ASTN2: variants seen among roughly 807,000 people sequenced by gnomAD.
ASTN2 encodes the protein astrotactin-2.
In ASTN2, 54 loss-of-function variants were observed where a neutral mutation model predicts 139.8. That is an observed-to-expected ratio of 0.39 (90% CI 0.31 to 0.48). ASTN2 has a LOEUF of 0.48. ASTN2 is among the 20% of genes least tolerant of loss of function. ASTN2 has a pLI of 0.95. For synonymous variants in ASTN2, 756 were observed against 719.5 expected, an observed-to-expected ratio of 1.05 and a Z score of -0.81; for missense variants, 1,565 against 1,725.1, an observed-to-expected ratio of 0.91 and a Z score of 1.64.
chr9:116,531,278 G>A (rs1851331723), intron 19 of ASTN2, among the ~76,000 whole-genome samples: 2 of 152,108 alleles, frequency 1.3e-5, no homozygotes, highest in Admixed American at 1.3e-4. Context: ...TAAATGTATG[G>A]CCATGGTACT....
chr9:116,865,410 C>A (rs961499704), intron 10 of ASTN2, among the ~76,000 whole-genome samples: 12 of 95,034 alleles, frequency 1.3e-4, no homozygotes, highest in Admixed American at 4.8e-4. Context: ...GAGCCATGAT[C>A]AAAACACTGT....
At chr9:117,184,799 A>G (rs980066076) in intron 3 of ASTN2, among the ~76,000 whole-genome samples, 1 of 152,176 alleles carries the variant, frequency 6.6e-6, no homozygotes, top group Non-Finnish European at 1.5e-5. Flanking sequence ...TAGACCAGCA[A>G]GGAAGGGTCC....
intron 4 of ASTN2, among the ~76,000 whole-genome samples, chr9:117,114,995 G>C (rs1889319): frequency 0.08 from 12,110 of 152,116 alleles, 871 homozygotes; most frequent in East Asian, 0.18. Context: ...GCCCCACCTG[G>C]TGTTTGGCTA....
intron 19 of ASTN2, chr9:116,613,470 AT>A (rs1855663380): frequency 6.6e-6 from 1 of 152,590 alleles, no homozygotes; most frequent in Non-Finnish European, 1.5e-5. Context: ...CGATGCAAAA[AT>A]CTTCAATAAA....
intron 3 of ASTN2, among the ~76,000 whole-genome samples, chr9:117,146,231 C>T (rs1239214909): frequency 6.6e-6 from 1 of 152,122 alleles, no homozygotes; most frequent in Non-Finnish European, 1.5e-5. Flanking sequence ...CTCTGACTCC[C>T]CAGAGCGGCA....
At chr9:117,203,521 G>A (rs988832116) in intron 3 of ASTN2, among the ~76,000 whole-genome samples, 1 of 152,098 alleles carries the variant, frequency 6.6e-6, no homozygotes, top group Non-Finnish European at 1.5e-5. Flanking sequence ...TGGGGTTTTT[G>A]TGGGGGCCTT....
intron 3 of ASTN2, among the ~76,000 whole-genome samples, chr9:117,152,157 A>C (rs1390424596): frequency 1.3e-5 from 2 of 152,198 alleles, no homozygotes; most frequent in Non-Finnish European, 2.9e-5. Context: ...TAATATAAGC[A>C]AAGTGCTTAA....
chr9:117,325,408 A>C (rs923971109), intron 1 of ASTN2, among the ~76,000 whole-genome samples: 4 of 152,020 alleles, frequency 2.6e-5, no homozygotes, highest in African/African-American at 9.7e-5. Context: ...TCTGATGTTC[A>C]TTAAAACAGT....
At chr9:116,535,850 T>C (rs906354229) in intron 19 of ASTN2, among the ~76,000 whole-genome samples, 1 of 152,146 alleles carries the variant, frequency 6.6e-6, no homozygotes, top group African/African-American at 2.4e-5. Flanking sequence ...TTGTTCTTCT[T>C]GAGGATTATC....
At chr9:117,355,442 T>C (rs1395583031) in intron 1 of ASTN2, among the ~76,000 whole-genome samples, 5 of 152,108 alleles carry the variant, frequency 3.3e-5, no homozygotes, top group Non-Finnish European at 4.4e-5. Context: ...GTGTGCTGGA[T>C]AATACAAACC....
In ASTN2 at chr9:116,698,211, C is replaced by T. The variant is rs563191272; in HGVS notation, c.2806+27560G>A. The T allele has an allele frequency of 3.7e-6, 6 of 1,614,078 alleles. No individual in the cohort carries two copies. Among genetic ancestry groups the T allele is most frequent in the Non-Finnish European group, 5.1e-6 (6 of 1,180,034 alleles). Reference sequence around the variant, plus strand: ...CTTTGGAGAGAAGTTAACTCGTCTGCGGGAACTTATGGGGGAGCTGCAGCG... The same window carrying T: ...CTTTGGAGAGAAGTTAACTCGTCTGTGGGAACTTATGGGGGAGCTGCAGCG... On this transcript the variant is annotated intron_variant, in intron 16 of 22. Transcript: ENST00000313400. The surrounding 1 kb of genome is among the most constrained non-coding windows in gnomAD (Gnocchi z 4.4).
chr9:116,653,682 G>T (rs531899106), intron 16 of ASTN2, among the ~76,000 whole-genome samples: 2 of 152,362 alleles, frequency 1.3e-5, no homozygotes, highest in South Asian at 4.1e-4. Context: ...AAGGAGAGTT[G>T]TCTCTTGCTC....
At chr9:116,598,479 G>A (rs1854700056) in intron 19 of ASTN2, among the ~76,000 whole-genome samples, 1 of 152,168 alleles carries the variant, frequency 6.6e-6, no homozygotes, top group Non-Finnish European at 1.5e-5. Flanking sequence ...AGGATATGAG[G>A]TTGGTGCAAA....
At chr9:117,220,688 G>C (rs111547361) in intron 2 of ASTN2, among the ~76,000 whole-genome samples, 23 of 152,236 alleles carry the variant, frequency 1.5e-4, no homozygotes, top group African/African-American at 5.5e-4. Flanking sequence ...TTCTCCCTCA[G>C]AGCCTCCGGG....
rs375927888 is a variant in ASTN2 at position 117,018,848 on chromosome 9, T to C, written c.1424-10589A>G. 3.5e-4 allele frequency among the ~76,000 whole-genome samples: 54 copies of C among 152,224 alleles called. 1 individual carries two copies. In the South Asian group the frequency reaches 8.5e-3, roughly 24 times the overall value. On this transcript the variant is annotated intron_variant, in intron 6 of 22. Coordinates refer to ENST00000313400, the MANE Select transcript of ASTN2 (RefSeq NM_001365068.1). The stretch of plus-strand genomic sequence containing the variant: ...TACTGCTATTGCTTAGAAATACCAG[T>C]AGAGGGTAGGTGTTACTTTTATTCC...
At chr9:117,402,091 G>A (rs1436164327) in intron 1 of ASTN2, among the ~76,000 whole-genome samples, 1 of 152,152 alleles carries the variant, frequency 6.6e-6, no homozygotes, top group Non-Finnish European at 1.5e-5. Flanking sequence ...TTTTGAGACA[G>A]AGTCTTGTTC....
chr9:117,231,827 G>A (rs980199473), intron 2 of ASTN2, among the ~76,000 whole-genome samples: 1 of 152,126 alleles, frequency 6.6e-6, no homozygotes, highest in Non-Finnish European at 1.5e-5. Context: ...CCATTTCTCA[G>A]GCCATTACAA....
chr9:117,327,495 G>A (rs547202598), intron 1 of ASTN2, among the ~76,000 whole-genome samples: 2 of 152,260 alleles, frequency 1.3e-5, no homozygotes, highest in African/African-American at 4.8e-5. Context: ...ATTGGAGGCA[G>A]GCTGAAGAGG....
rs373498463 is a variant in ASTN2 at position 117,180,890 on chromosome 9, G to A, written c.1015+33468C>T. ...CCAGGAAACTTGAACTTGGCCCTGCGCAGGGCCTCAATTACATGCTCCTTG... is the reference window on the plus strand; with the variant it reads ...CCAGGAAACTTGAACTTGGCCCTGCACAGGGCCTCAATTACATGCTCCTTG... On this transcript the variant is annotated intron_variant, in intron 3 of 22. Coordinates refer to ENST00000313400, the MANE Select transcript of ASTN2 (RefSeq NM_001365068.1). The A allele has an allele frequency of 6.6e-5, 104 of 1,586,630 alleles. No individual in the cohort carries two copies. In the Middle Eastern group the frequency reaches 6.8e-4, roughly 10 times the overall value.
Sources: gnomAD v4.1 joint callset for allele counts (sites outside exome capture counted in the v4.1 genomes callset) on GRCh38, gnomAD v4.1.1 for gene constraint, Gnocchi (gnomAD v3.1) non-coding constraint, MANE v1.5 for transcripts, NCBI Gene and HGNC (gene_info 2026-07-23, HGNC 2026-07-21) for gene names.